B4GALNT3: variants seen among roughly 807,000 people sequenced by gnomAD.
B4GALNT3 encodes beta-1,4-N-acetyl-galactosaminyltransferase 3.
A neutral mutation model predicts 120.2 loss-of-function variants in B4GALNT3; 86 were observed. The ratio of observed to expected loss-of-function variants is 0.72; its 90% CI spans 0.60 to 0.86. B4GALNT3 has a LOEUF of 0.86. Ranked by LOEUF, B4GALNT3 falls within the 40% of genes least tolerant of loss-of-function variation. The probability of loss-of-function intolerance (pLI) is 0.00; values close to 1 mark genes in which losing one functional copy is unlikely to be tolerated. For synonymous variants in B4GALNT3, 518 were observed against 510.4 expected, an observed-to-expected ratio of 1.01 and a Z score of -0.20; for missense variants, 1,167 against 1,298.9, an observed-to-expected ratio of 0.90 and a Z score of 1.56.
intron 1 of B4GALNT3, among the ~76,000 whole-genome samples, chr12:499,017 T>C (rs1431140745): frequency 6.6e-6 from 1 of 152,194 alleles, no homozygotes; most frequent in Non-Finnish European, 1.5e-5. Context: ...AGCTTTGGCA[T>C]ACAGAGAGGA....
At chr12:520,839 G>A (rs1006915602) in intron 1 of B4GALNT3, among the ~76,000 whole-genome samples, 1 of 152,234 alleles carries the variant, frequency 6.6e-6, no homozygotes, top group Non-Finnish European at 1.5e-5. Context: ...CAAAGGCTCT[G>A]ACTGTTTTAT....
At position 489,134 on chromosome 12, in the gene B4GALNT3, A is replaced by T. The variant is rs546030076; in HGVS notation, c.169+28589A>T. On this transcript the variant is annotated intron_variant, in intron 1 of 19. Transcript: ENST00000266383. Reference sequence around the variant, plus strand: ...ACAATGAGAACACATGGACACAGGGAGGGGAACATCATACACTGGGGCCTG... The same window carrying T: ...ACAATGAGAACACATGGACACAGGGTGGGGAACATCATACACTGGGGCCTG... 2.1e-3 allele frequency among the ~76,000 whole-genome samples: 210 copies of T among 101,210 alleles called. 1 individual carries two copies. Among genetic ancestry groups the T allele is most frequent in the African/African-American group, 7.7e-3 (199 of 26,010 alleles). 66.4% of individuals were successfully genotyped at this position (101,210 alleles called of 152,430 possible).
chr12:484,574 C>G (rs1946272641), intron 1 of B4GALNT3, among the ~76,000 whole-genome samples: 1 of 152,134 alleles, frequency 6.6e-6, no homozygotes, highest in African/African-American at 2.4e-5. Context: ...CCAGGTGACT[C>G]TGAAGGGCAG....
chr12:514,432 C>T (rs1353081412), intron 1 of B4GALNT3, among the ~76,000 whole-genome samples: 12 of 151,480 alleles, frequency 7.9e-5, no homozygotes, highest in South Asian at 2.1e-4. Flanking sequence ...CTACTGACCT[C>T]GTGATCTGCC....
At chr12:559,770 A>G (rs910514602) in intron 19 of B4GALNT3, among the ~76,000 whole-genome samples, 10 of 152,124 alleles carry the variant, frequency 6.6e-5, no homozygotes, top group Admixed American at 6.5e-4. Context: ...GCCCGAGGGT[A>G]GTGCGCCTCC....
chr12:506,985 C>G (rs1476859274), intron 1 of B4GALNT3, among the ~76,000 whole-genome samples: 7 of 152,170 alleles, frequency 4.6e-5, no homozygotes, highest in African/African-American at 1.4e-4. Flanking sequence ...TTTCATTTAC[C>G]CAACATTGCA....
rs1014670868 is a variant in B4GALNT3, at chr12:556,956, A to T, written c.2380+90A>T. The stretch of plus-strand genomic sequence containing the variant: ...CATCTGCTTGCACTGATTTGATCCC[A>T]TAAGCACTTCTGAGAAAGACCACCT... On this transcript the variant is annotated intron_variant, in intron 15 of 19. Coordinates refer to ENST00000266383, the MANE Select transcript of B4GALNT3 (RefSeq NM_173593.4). 4 of 1,356,362 alleles carry T rather than the reference A, an allele frequency of 2.9e-6. No individual in the cohort carries two copies. The African/African-American group carries it at 5.9e-5, about 20-fold the overall frequency. 84.0% of individuals were successfully genotyped at this position (1,356,362 alleles called of 1,614,324 possible). A position where few individuals can be genotyped will look rare whatever the true frequency, so the allele number is the denominator to read the frequency against.
chr12:478,450 T>G (rs1946205879), intron 1 of B4GALNT3, among the ~76,000 whole-genome samples: 1 of 152,166 alleles, frequency 6.6e-6, no homozygotes, highest in Admixed American at 6.5e-5. Flanking sequence ...GGGAAGTATT[T>G]ATTGATTGAA....
intron 3 of B4GALNT3, chr12:543,126 G>A (rs978269839): frequency 1.9e-5 from 24 of 1,289,378 alleles, no homozygotes; most frequent in Non-Finnish European, 2.3e-5. Flanking sequence ...GGAGGTCCAG[G>A]GAGAGTATGT....
chr12:557,758 G>A lies in B4GALNT3; in HGVS notation c.2531G>A (p.Arg844Gln), dbSNP rs146146897. 108 of 1,598,826 alleles carry A rather than the reference G, an allele frequency of 6.8e-5. 1 individual carries two copies. Among genetic ancestry groups the A allele is most frequent in the Middle Eastern group, 6.2e-4 (3 of 4,872 alleles). Reference protein sequence around the residue: ...VEMALKRSKLRSYQYVKLSGN... With the variant: ...VEMALKRSKLQSYQYVKLSGN... ...ATGGCACTGAAGAGGTCCAAGCTGC[G>A]GAGGTGAGGGGGACCACCAGCCAGG... is the stretch of plus-strand genomic sequence containing the variant. The change falls in exon 16 of 20, where the codon CGG becomes CAG. Residue 844 changes from arginine to glutamine, a missense_variant. By Grantham distance (43) the Arg-to-Gln change is conservative. Transcript: ENST00000266383.
At chr12:525,086 T>TTTTGTTTG (rs1555156518) in intron 1 of B4GALNT3, among the ~76,000 whole-genome samples, 1 of 130,532 alleles carries the variant, frequency 7.7e-6, no homozygotes, top group African/African-American at 2.5e-5. Flanking sequence ...AATAACACAA[T>TTTTGTTTG]TTTATTTATT....
chr12:511,462 CCTTCCACCTT>C (rs1430534422), intron 1 of B4GALNT3, among the ~76,000 whole-genome samples: 17 of 97,180 alleles, frequency 1.7e-4, no homozygotes, highest in South Asian at 4.6e-4. Context: ...CCTTCTTCCA[CCTTCCACCTT>C]CTTCCACCTT....
intron 1 of B4GALNT3, among the ~76,000 whole-genome samples, chr12:519,685 T>C (rs1946687444): frequency 6.6e-6 from 1 of 151,814 alleles, no homozygotes; most frequent in African/African-American, 2.4e-5. Context: ...ATATCCTTGA[T>C]TTTCTCTTTG....
intron 1 of B4GALNT3, among the ~76,000 whole-genome samples, chr12:525,451 T>C (rs1225048398): frequency 2.6e-5 from 4 of 152,248 alleles, no homozygotes; most frequent in Admixed American, 2.6e-4. Flanking sequence ...TCTCTCCTCC[T>C]GTCTCCGTTG....
At chr12:552,792 T>G in intron 13 of B4GALNT3, 1 of 535,116 alleles carries the variant, frequency 1.9e-6, no homozygotes, top group East Asian at 3.2e-5. Context: ...TTACTTGGAC[T>G]GCTGGAGGGG....
chr12:554,314 C>G (rs995423849), intron 14 of B4GALNT3, among the ~76,000 whole-genome samples: 5 of 152,238 alleles, frequency 3.3e-5, no homozygotes, highest in Non-Finnish European at 7.3e-5. Context: ...ACAGGCAAAA[C>G]AGAGGCTAGA....
intron 1 of B4GALNT3, among the ~76,000 whole-genome samples, chr12:480,073 C>T (rs191705552): frequency 7.2e-5 from 11 of 152,108 alleles, no homozygotes; most frequent in African/African-American, 2.7e-4. Flanking sequence ...GCCACCACCC[C>T]CTGGATAATT....
chr12:466,809 A>G (rs1446541226), intron 1 of B4GALNT3, among the ~76,000 whole-genome samples: 1 of 152,170 alleles, frequency 6.6e-6, no homozygotes, highest in Non-Finnish European at 1.5e-5. Context: ...ATAACTACAA[A>G]AGGCCTGATA....
chr12:461,578 G>A (rs1394759145), intron 1 of B4GALNT3, among the ~76,000 whole-genome samples: 1 of 152,208 alleles, frequency 6.6e-6, no homozygotes, highest in Non-Finnish European at 1.5e-5. Context: ...CTGGCACGTG[G>A]CCTCCCATGC....
Sources: allele counts gnomAD v4.1 joint callset (sites outside exome capture counted in the v4.1 genomes callset), GRCh38; gene constraint gnomAD v4.1.1; transcripts MANE v1.5; gene names NCBI Gene and HGNC (gene_info 2026-07-23, HGNC 2026-07-21).